Variants in LSP1 observed in about 807,000 individuals in gnomAD.
The protein encoded by LSP1 is lymphocyte specific protein 1, also known as lymphocyte-specific protein 1.
In LSP1, 32 loss-of-function variants were observed where a neutral mutation model predicts 49.3. That is an observed-to-expected ratio of 0.65 (90% CI 0.49 to 0.87). The LOEUF (loss-of-function observed/expected upper bound fraction) is 0.87. Among genes scored for constraint, LSP1 ranks in the 40% least tolerant of loss-of-function variants. LSP1 has a pLI of 0.00. For missense variants in LSP1, 428 were observed against 442.6 expected (o/e 0.97, Z 0.30); for synonymous variants, 179 against 178.8 (o/e 1.00, Z -0.01).
chr11:1,873,944 AG>A, intron 1 of LSP1, among the ~76,000 whole-genome samples: 1 of 132,034 alleles, frequency 7.6e-6, no homozygotes, highest in African/African-American at 3.2e-5. Flanking sequence ...CAGAGGAGGG[AG>A]GCCGGCAGAG....
intron 1 of LSP1, among the ~76,000 whole-genome samples, chr11:1,857,012 C>A (rs1327862230): frequency 6.6e-6 from 1 of 152,226 alleles, no homozygotes; most frequent in African/African-American, 2.4e-5. Context: ...TTCCTGTGGT[C>A]AAGACCTGAT....
At chr11:1,885,061 C>G (rs72843959) in intron 7 of LSP1, among the ~76,000 whole-genome samples, 38,106 of 151,834 alleles carry the variant, frequency 0.25, 5,363 homozygotes, top group South Asian at 0.37. Flanking sequence ...CCAATCAGTG[C>G]CCCTCCATCC....
chr11:1,862,890 C>T (rs967967047), intron 1 of LSP1, among the ~76,000 whole-genome samples: 1 of 152,172 alleles, frequency 6.6e-6, no homozygotes, highest in African/African-American at 2.4e-5. Context: ...GAGGTCCAGC[C>T]CTGGCTACCA....
At chr11:1,867,916 A>G (rs1310570058) in intron 1 of LSP1, among the ~76,000 whole-genome samples, 1 of 138,704 alleles carries the variant, frequency 7.2e-6, no homozygotes, top group East Asian at 2.2e-4. Context: ...CATTTTCTCC[A>G]GGTCTGGCTG....
intron 1 of LSP1, among the ~76,000 whole-genome samples, chr11:1,854,998 C>T (rs11602798): frequency 0.23 from 34,669 of 151,926 alleles, 4,555 homozygotes; most frequent in East Asian, 0.46. Context: ...CATCTTGGTG[C>T]AGATCCTGGG....
intron 1 of LSP1, among the ~76,000 whole-genome samples, chr11:1,854,427 C>A (rs958391165): frequency 2.0e-5 from 3 of 152,224 alleles, no homozygotes; most frequent in Non-Finnish European, 4.4e-5. Context: ...GGCCTTCACA[C>A]AAAGCTCCTG....
intron 1 of LSP1, among the ~76,000 whole-genome samples, chr11:1,863,796 A>T (rs11041540): frequency 0.1 from 15,521 of 152,150 alleles, 1,018 homozygotes; most frequent in Middle Eastern, 0.21. Context: ...CACCAGGCCC[A>T]CTTTGTGCCC....
chr11:1,886,708 C>G, intron 7 of LSP1, 24 bp from the exon 8 acceptor site: 2 of 1,595,136 alleles, frequency 1.3e-6, no homozygotes, highest in Non-Finnish European at 8.6e-7. Flanking sequence ...CTAAGGTAAT[C>G]CTGATGCTTT....
chr11:1,886,216 A>T (rs1848742305), intron 7 of LSP1, among the ~76,000 whole-genome samples: 1 of 152,024 alleles, frequency 6.6e-6, no homozygotes, highest in Non-Finnish European at 1.5e-5. Context: ...ATGCCCCTTC[A>T]TTGAACCAAT....
At chr11:1,882,841 C>T (rs964505508) in intron 3 of LSP1, among the ~76,000 whole-genome samples, 3 of 152,180 alleles carry the variant, frequency 2.0e-5, no homozygotes, top group Admixed American at 2.0e-4. Context: ...ATCTTCTCCT[C>T]CAGGTTCAGT....
intron 1 of LSP1, among the ~76,000 whole-genome samples, chr11:1,878,267 G>A (rs1475757642): frequency 2.6e-5 from 4 of 152,094 alleles, no homozygotes; most frequent in South Asian, 2.1e-4. Flanking sequence ...GCTGGGGCGT[G>A]AGTGAGCACG....
intron 1 of LSP1, among the ~76,000 whole-genome samples, chr11:1,866,222 G>A (rs1306819883): frequency 2.0e-5 from 3 of 152,306 alleles, no homozygotes; most frequent in Non-Finnish European, 2.9e-5. Context: ...TAACCTGGAG[G>A]GCTGTCCTGC....
chr11:1,885,411 A>G (rs1298021650), intron 7 of LSP1, among the ~76,000 whole-genome samples: 1 of 151,330 alleles, frequency 6.6e-6, no homozygotes, highest in Non-Finnish European at 1.5e-5. Context: ...CCTTCATCCA[A>G]TCAATACCCC....
rs201258993 is a variant in LSP1 at position 1,883,916 on chromosome 11, G to GT, written c.499-5dup. 0.089 allele frequency: 93,895 copies of GT among 1,049,762 alleles called. 376 individuals carry two copies. The highest frequency in any genetic ancestry group is 0.3 in the East Asian group (10,303 of 34,398). 65.0% of individuals were successfully genotyped at this position (1,049,762 alleles called of 1,614,324 possible). A position where few individuals can be genotyped will look rare whatever the true frequency, so the allele number is the denominator to read the frequency against. On this transcript the variant is annotated splice_polypyrimidine_tract_variant and intron_variant, in intron 4 of 10. Transcript: ENST00000311604. Reference sequence around the variant, plus strand: ...AAGCAGGGGGTCACTTGGGATGTCTGTTTTTTTTTTTCTAGCACCAGAAAT... The same window carrying GT: ...AAGCAGGGGGTCACTTGGGATGTCTGTTTTTTTTTTTTCTAGCACCAGAAAT...
At position 1,891,947 on chromosome 11, in the gene LSP1, G is replaced by A. The variant is rs1849017578; in HGVS notation, c.*188G>A. The A allele has an allele frequency of 6.6e-6, 1 of 152,022 alleles. No individual in the cohort carries two copies. Among genetic ancestry groups the A allele is most frequent in the Non-Finnish European group, 1.5e-5 (1 of 68,060 alleles). The allele number at this position is 152,022 out of a possible 1,614,324, so 9.4% of individuals were successfully genotyped here. The stretch of plus-strand genomic sequence containing the variant: ...CCTCCTTTTGCTCCTGGACCCTTTA[G>A]CCTCTCTGCCCTTCCACTCTCTGAC... On this transcript the variant is annotated 3_prime_UTR_variant, in exon 11 of 11. Transcript: ENST00000311604.
At chr11:1,862,382 AG>A (rs1201344468) in intron 1 of LSP1, among the ~76,000 whole-genome samples, 14 of 152,326 alleles carry the variant, frequency 9.2e-5, no homozygotes, top group African/African-American at 3.4e-4. Flanking sequence ...ATCATTCTCT[AG>A]TGACAGGGAA....
chr11:1,872,174 G>A (rs1159781824), intron 1 of LSP1, among the ~76,000 whole-genome samples: 2 of 141,780 alleles, frequency 1.4e-5, no homozygotes, highest in Non-Finnish European at 3.0e-5. Flanking sequence ...GTAGAGTTGG[G>A]GTCTGTCCGG....
rs1278289011 is a variant in LSP1 at position 1,889,303 on chromosome 11, CTGGGGTGTGCTCCCCACCGCTGGG to C, written c.*13+1728_*13+1751del. ...AGGAAGGGCAGGCGGGTGAGGCTGG[CTGGGGTGTGCTCCCCACCGCTGGG>C]CCCTGCCAGGCGCCCTTGGGCCTCC... On this transcript the variant is annotated intron_variant, in intron 10 of 10. Transcript: ENST00000311604. 9 of 703,908 alleles carry C rather than the reference CTGGGGTGTGCTCCCCACCGCTGGG, an allele frequency of 1.3e-5. No individual in the cohort carries two copies. The Admixed American group carries it at 1.8e-4, about 14-fold the overall frequency. 43.6% of individuals were successfully genotyped at this position (703,908 alleles called of 1,614,324 possible). A position where few individuals can be genotyped will look rare whatever the true frequency, so the allele number is the denominator to read the frequency against.
intron 4 of LSP1, 32 bp downstream of exon 4, chr11:1,883,592 A>T (rs1464706358): frequency 3.8e-6 from 6 of 1,577,140 alleles, no homozygotes; most frequent in Middle Eastern, 2.2e-4. Flanking sequence ...GTCTGGGTGT[A>T]CCCCCACCCC....
Sources: allele counts gnomAD v4.1 joint callset (sites outside exome capture counted in the v4.1 genomes callset), GRCh38; gene constraint gnomAD v4.1.1; transcripts MANE v1.5; gene names NCBI Gene and HGNC (gene_info 2026-07-23, HGNC 2026-07-21).